The following GRM7 variants were observed in gnomAD, a reference collection of about 807,000 sequenced individuals.
GRM7 encodes glutamate metabotropic receptor 7.
GRM7 carries 35 observed loss-of-function variants against 84.5 expected under a neutral mutation model. That is an observed-to-expected ratio of 0.41 (90% CI 0.32 to 0.55). The LOEUF (loss-of-function observed/expected upper bound fraction) is 0.55. GRM7 is among the 20% of genes least tolerant of loss of function. The probability of loss-of-function intolerance (pLI) is 0.19; values close to 1 mark genes in which losing one functional copy is unlikely to be tolerated. For missense variants in GRM7, 1,003 were observed against 1,194.6 expected (o/e 0.84, Z 2.36); for synonymous variants, 487 against 455.1 (o/e 1.07, Z -0.89).
chr3:7,396,370 C>G (rs962281155), intron 4 of GRM7, among the ~76,000 whole-genome samples: 3 of 152,078 alleles, frequency 2.0e-5, no homozygotes, highest in Admixed American at 2.0e-4. Flanking sequence ...AACTCCCTTC[C>G]TATTTTATTT....
intron 1 of GRM7, among the ~76,000 whole-genome samples, chr3:7,026,869 C>A (rs2124921093): frequency 6.6e-6 from 1 of 152,338 alleles, no homozygotes; most frequent in Admixed American, 6.5e-5. Flanking sequence ...CCCAAATTAA[C>A]ATATTTGACC....
chr3:7,310,249 T>G (rs769101624), intron 4 of GRM7, among the ~76,000 whole-genome samples: 1 of 151,768 alleles, frequency 6.6e-6, no homozygotes, highest in Non-Finnish European at 1.5e-5. Flanking sequence ...ACTCTCACAA[T>G]TGGTGATGAT....
chr3:7,454,131 T>C (rs1024197227), intron 6 of GRM7, among the ~76,000 whole-genome samples: 1 of 110,056 alleles, frequency 9.1e-6, no homozygotes, highest in Admixed American at 8.8e-5. Context: ...CTCTCTCTCA[T>C]AAACTAACAT....
chr3:7,338,115 T>TACAC (rs141499269), intron 4 of GRM7, among the ~76,000 whole-genome samples: 30,182 of 146,750 alleles, frequency 0.21, 3,233 homozygotes, highest in East Asian at 0.28. Flanking sequence ...TATATTTATG[T>TACAC]ACACACACAC....
Position 6,861,710 on chromosome 3 carries a change from A to T in GRM7, c.322A>T (p.Thr108Ser), listed in dbSNP as rs766538630. Reference protein sequence around the residue: ...NVTLGARILDTCSRDTYALEQ... With the variant: ...NVTLGARILDSCSRDTYALEQ... ...GACGCTGGGCGCGCGGATCCTGGAC[A>T]CTTGTTCCAGGGACACTTACGCGCT... Residue 108 changes from threonine to serine, a missense_variant, in exon 1 of 10, where the codon ACT (threonine) becomes TCT (serine). Thr to Ser is a moderately conservative substitution (Grantham distance 58). This residue lies in a region of GRM7 where 910 missense variants were observed against 1,126.0 expected (regional missense o/e 0.81). Transcript: ENST00000357716. The surrounding 1 kb of genome is among the most constrained non-coding windows in gnomAD (Gnocchi z 6.4). The T allele has an allele frequency of 6.2e-7, 1 of 1,614,122 alleles. No individual in the cohort carries two copies. The highest frequency in any genetic ancestry group is 1.7e-5 in the Admixed American group (1 of 60,034).
intron 7 of GRM7, among the ~76,000 whole-genome samples, chr3:7,501,614 G>T (rs1290371205): frequency 6.6e-6 from 1 of 152,096 alleles, no homozygotes; most frequent in African/African-American, 2.4e-5. Context: ...TCTAACACAG[G>T]ACTTGACTTC....
chr3:7,687,204 G>A (rs1700620181), intron 9 of GRM7, among the ~76,000 whole-genome samples: 1 of 152,112 alleles, frequency 6.6e-6, no homozygotes, highest in South Asian at 2.1e-4. Context: ...AAATGCCAAA[G>A]GTGTTCAAAT....
intron 4 of GRM7, among the ~76,000 whole-genome samples, chr3:7,342,066 C>A (rs1159291420): frequency 6.6e-6 from 1 of 152,108 alleles, no homozygotes; most frequent in Non-Finnish European, 1.5e-5. Context: ...ACACAGCATT[C>A]CATTCATGTG....
chr3:7,405,701 A>G (rs1575287485), intron 4 of GRM7, among the ~76,000 whole-genome samples: 1 of 152,274 alleles, frequency 6.6e-6, no homozygotes, highest in East Asian at 1.9e-4. Flanking sequence ...TTGAATGAGC[A>G]TTTATTTTGG....
At chr3:7,072,989 G>A (rs1171136813) in intron 1 of GRM7, among the ~76,000 whole-genome samples, 1 of 152,118 alleles carries the variant, frequency 6.6e-6, no homozygotes, top group Non-Finnish European at 1.5e-5. Context: ...GGATTTATGG[G>A]TTGAAAAGTG....
intron 2 of GRM7, among the ~76,000 whole-genome samples, chr3:7,224,659 C>G (rs1442706707): frequency 6.6e-6 from 1 of 152,210 alleles, no homozygotes; most frequent in Non-Finnish European, 1.5e-5. Flanking sequence ...CTCCAAACCA[C>G]TACTCATAGC....
At chr3:7,427,799 CAT>C (rs1696671770) in intron 5 of GRM7, among the ~76,000 whole-genome samples, 1 of 152,158 alleles carries the variant, frequency 6.6e-6, no homozygotes, top group Non-Finnish European at 1.5e-5. Flanking sequence ...CGCAGGAAGA[CAT>C]AGCAATCTGC....
In GRM7 at chr3:7,346,188, C is replaced by T. The variant is rs530427011; in HGVS notation, c.1033+39536C>T. 1.4e-3 allele frequency among the ~76,000 whole-genome samples: 216 copies of T among 152,126 alleles called. 1 individual carries two copies. The highest frequency in any genetic ancestry group is 3.4e-3 in the Middle Eastern group (1 of 294). The stretch of plus-strand genomic sequence containing the variant: ...TCATTATTCATGGGCACTTGTCTAC[C>T]GTGTACCTAGGTAATTTCAATACTG... On this transcript the variant is annotated intron_variant, in intron 4 of 9. Transcript: ENST00000357716.
At chr3:7,024,566 G>A (rs1449260472) in intron 1 of GRM7, among the ~76,000 whole-genome samples, 1 of 152,260 alleles carries the variant, frequency 6.6e-6, no homozygotes, top group Non-Finnish European at 1.5e-5. Context: ...GCAGGTGCAT[G>A]AGGAGAGCCT....
intron 1 of GRM7, among the ~76,000 whole-genome samples, chr3:7,128,708 A>G (rs1385078094): frequency 2.0e-5 from 3 of 149,550 alleles, no homozygotes; most frequent in Non-Finnish European, 3.0e-5. Context: ...GGGTTTTGCC[A>G]TGTTGGCCAG....
chr3:7,207,985 A>G (rs1696294263), intron 2 of GRM7, among the ~76,000 whole-genome samples: 1 of 152,210 alleles, frequency 6.6e-6, no homozygotes, highest in Admixed American at 6.5e-5. Flanking sequence ...TAAATAGATC[A>G]TTTAGAGATT....
At chr3:7,628,690 G>A (rs1697730674) in intron 8 of GRM7, among the ~76,000 whole-genome samples, 1 of 152,168 alleles carries the variant, frequency 6.6e-6, no homozygotes, top group Admixed American at 6.5e-5. Flanking sequence ...GCATTTGAGA[G>A]TCATCTCCGA....
intron 2 of GRM7, among the ~76,000 whole-genome samples, chr3:7,194,714 A>T (rs116752365): frequency 2.6e-5 from 4 of 152,156 alleles, no homozygotes; most frequent in African/African-American, 7.2e-5. Flanking sequence ...TTGATGACTC[A>T]ATGTCTTAAT....
chr3:7,649,989 A>G (rs2125113168), intron 8 of GRM7, among the ~76,000 whole-genome samples: 1 of 152,264 alleles, frequency 6.6e-6, no homozygotes, highest in South Asian at 2.1e-4. Context: ...CAAATGGAAA[A>G]TTTGAGGATT....
Sources: gnomAD v4.1 joint callset for allele counts (sites outside exome capture counted in the v4.1 genomes callset) on GRCh38, gnomAD v4.1.1 for gene constraint, gnomAD v4.1.1 regional missense constraint, Gnocchi (gnomAD v3.1) non-coding constraint, MANE v1.5 for transcripts, NCBI Gene and HGNC (gene_info 2026-07-23, HGNC 2026-07-21) for gene names.